KCNK2: variants seen among roughly 807,000 people sequenced by gnomAD.
The protein encoded by KCNK2 is potassium channel subfamily K member 2.
Under a neutral mutation model 40.5 loss-of-function variants are expected in KCNK2, and 21 were observed. That is an observed-to-expected ratio of 0.52 (90% CI 0.37 to 0.75). The LOEUF (loss-of-function observed/expected upper bound fraction) is 0.75, where lower values mean the gene tolerates loss of function less well. Among genes scored for constraint, KCNK2 ranks in the 30% least tolerant of loss-of-function variants. The pLI is 0.00. For synonymous variants in KCNK2, 191 were observed against 202.2 expected (o/e 0.94, Z 0.47); for missense variants, 399 against 531.6 (o/e 0.75, Z 2.45).
At chr1:215,124,870 T>C in intron 3 of KCNK2, 120 bp downstream of exon 3, 1 of 666,282 alleles carries the variant, frequency 1.5e-6, no homozygotes. Flanking sequence ...AACTAGATTA[T>C]AGTAAATTGA....
intron 5 of KCNK2, among the ~76,000 whole-genome samples, chr1:215,191,644 A>G (rs1252303966): frequency 6.6e-6 from 1 of 152,194 alleles, no homozygotes; most frequent in Non-Finnish European, 1.5e-5. Context: ...ACTTATTTTA[A>G]CTACTTGGAA....
intron 2 of KCNK2, among the ~76,000 whole-genome samples, chr1:215,101,835 A>G (rs530368752): frequency 1.3e-5 from 2 of 152,082 alleles, no homozygotes; most frequent in Admixed American, 1.3e-4. Flanking sequence ...AAAAAAACCA[A>G]CTGTACTGCT....
chr1:215,084,760 C>T (rs534813171), intron 1 of KCNK2, among the ~76,000 whole-genome samples: 1 of 152,222 alleles, frequency 6.6e-6, no homozygotes, highest in African/African-American at 2.4e-5. Flanking sequence ...TAGGTTGAAC[C>T]TTAGGAAATT....
rs1226992239 is a variant in KCNK2 at position 215,209,191 on chromosome 1, AAT to A, written c.963+14111_963+14112del. On this transcript the variant is annotated intron_variant, in intron 6 of 6. Transcript: ENST00000444842. ...GCATTTTTTATGATATCTAGTTATA[AAT>A]ATATATATATAAAATATACACATAT... Among the ~76,000 whole-genome samples the A allele has an allele frequency of 3.6e-5, 5 of 138,028 alleles. No individual in the cohort carries two copies. In the Admixed American group the frequency reaches 4.1e-4, roughly 11 times the overall value. The allele number at this position is 138,028 out of a possible 152,430, so 90.6% of individuals were successfully genotyped here. A position where few individuals can be genotyped will look rare whatever the true frequency, so the allele number is the denominator to read the frequency against.
At chr1:215,034,302 C>A (rs1266448551) in intron 1 of KCNK2, among the ~76,000 whole-genome samples, 1 of 151,196 alleles carries the variant, frequency 6.6e-6, no homozygotes, top group East Asian at 2.0e-4. Context: ...ATCTATATAC[C>A]AAAATTTGTT....
chr1:215,076,877 A>T (rs1290380021), intron 1 of KCNK2, among the ~76,000 whole-genome samples: 1 of 152,212 alleles, frequency 6.6e-6, no homozygotes, highest in East Asian at 1.9e-4. Flanking sequence ...CAAGTGTCAG[A>T]CATCTCAACA....
chr1:215,214,062 GT>G (rs1665857251), intron 6 of KCNK2, among the ~76,000 whole-genome samples: 1 of 152,072 alleles, frequency 6.6e-6, no homozygotes, highest in South Asian at 2.1e-4. Context: ...TTACAAATAT[GT>G]TCTATTTATC....
At chr1:215,078,509 A>T (rs969305305), upstream of KCNK2, among the ~76,000 whole-genome samples, 1 of 152,208 alleles carries the variant, frequency 6.6e-6, no homozygotes, top group Non-Finnish European at 1.5e-5. Flanking sequence ...AATCAGTGCC[A>T]GTAGGGGAAA....
chr1:215,151,167 C>G (rs1662669982), intron 3 of KCNK2, among the ~76,000 whole-genome samples: 1 of 151,948 alleles, frequency 6.6e-6, no homozygotes, highest in African/African-American at 2.4e-5. Flanking sequence ...GTAGAAGTGT[C>G]TAGAGAAAAA....
At chr1:215,211,309 G>C (rs1294340382) in intron 6 of KCNK2, among the ~76,000 whole-genome samples, 1 of 152,000 alleles carries the variant, frequency 6.6e-6, no homozygotes, top group Non-Finnish European at 1.5e-5. Flanking sequence ...TGCACTGACT[G>C]TTCCCTCTGT....
intron 6 of KCNK2, among the ~76,000 whole-genome samples, chr1:215,217,913 G>GA (rs1666021710): frequency 6.6e-6 from 1 of 152,174 alleles, no homozygotes; most frequent in South Asian, 2.1e-4. Context: ...ATAGAAAGAT[G>GA]AATAGGACAC....
chr1:215,227,162 G>A (rs1243658324), intron 6 of KCNK2, among the ~76,000 whole-genome samples: 1 of 152,196 alleles, frequency 6.6e-6, no homozygotes, highest in African/African-American at 2.4e-5. Flanking sequence ...ATAGAATATG[G>A]TGGACATATC....
chr1:215,193,781 T>G (rs1664759266), intron 5 of KCNK2, among the ~76,000 whole-genome samples: 1 of 152,204 alleles, frequency 6.6e-6, no homozygotes, highest in Non-Finnish European at 1.5e-5. Flanking sequence ...CTTTACAATC[T>G]GATACAGCCT....
At chr1:215,176,156 A>G (rs560435825) in intron 5 of KCNK2, among the ~76,000 whole-genome samples, 7 of 151,990 alleles carry the variant, frequency 4.6e-5, no homozygotes, top group Non-Finnish European at 7.4e-5. Context: ...TACCAGCATT[A>G]TTATTTGTTG....
intron 1 of KCNK2, among the ~76,000 whole-genome samples, chr1:215,013,771 G>A (rs1240978795): frequency 6.6e-6 from 1 of 152,060 alleles, no homozygotes; most frequent in Non-Finnish European, 1.5e-5. Context: ...ATATTGACAT[G>A]TCTTACAAAT....
In KCNK2 at chr1:215,235,269, C is replaced by A; in HGVS notation, c.*124C>A. 2 of 714,182 alleles carry A rather than the reference C, an allele frequency of 2.8e-6. No homozygotes were observed. Among genetic ancestry groups the A allele is most frequent in the Non-Finnish European group, 4.5e-6 (2 of 441,420 alleles). 44.2% of individuals were successfully genotyped at this position (714,182 alleles called of 1,614,324 possible). A position where few individuals can be genotyped will look rare whatever the true frequency, so the allele number is the denominator to read the frequency against. ...CAAAGGGGGAACAAAATAGATACAC[C>A]CATCATGGTCATCTATCATCAAGAG... On this transcript the variant is annotated 3_prime_UTR_variant, in exon 7 of 7. Transcript: ENST00000444842.
intron 2 of KCNK2, among the ~76,000 whole-genome samples, chr1:215,098,140 G>A (rs908511788): frequency 6.6e-6 from 1 of 151,908 alleles, no homozygotes; most frequent in Admixed American, 6.6e-5. Flanking sequence ...GCCTATTTGA[G>A]TTGTCCTTTG....
At chr1:215,018,081 T>G (rs1251165578) in intron 1 of KCNK2, among the ~76,000 whole-genome samples, 1 of 152,182 alleles carries the variant, frequency 6.6e-6, no homozygotes, top group Non-Finnish European at 1.5e-5. Flanking sequence ...ACATATATAA[T>G]AAAGCATGTA....
At chr1:215,189,232 A>T (rs1188454243) in intron 5 of KCNK2, among the ~76,000 whole-genome samples, 2 of 152,210 alleles carry the variant, frequency 1.3e-5, no homozygotes, top group African/African-American at 4.8e-5. Flanking sequence ...CTTAACTTTT[A>T]GGGTTCTGAA....
Sources: gnomAD v4.1 joint callset for allele counts (sites outside exome capture counted in the v4.1 genomes callset) on GRCh38, gnomAD v4.1.1 for gene constraint, MANE v1.5 for transcripts, NCBI Gene and HGNC (gene_info 2026-07-23, HGNC 2026-07-21) for gene names.